Variants in SHC4 observed in about 807,000 individuals in gnomAD.
SHC4 encodes the protein SHC-transforming protein 4.
Under a neutral mutation model 69.4 loss-of-function variants are expected in SHC4, and 41 were observed. The observed-to-expected ratio is 0.59, with a 90% confidence interval of 0.46 to 0.77. The LOEUF (loss-of-function observed/expected upper bound fraction) is 0.77, where lower values mean the gene tolerates loss of function less well. Among genes scored for constraint, SHC4 ranks in the 30% least tolerant of loss-of-function variants. The probability of loss-of-function intolerance (pLI) is 0.00; values close to 1 mark genes in which losing one functional copy is unlikely to be tolerated. For missense variants in SHC4, 777 were observed against 783.8 expected, an observed-to-expected ratio of 0.99 and a Z score of 0.10; for synonymous variants, 318 against 299.3, an observed-to-expected ratio of 1.06 and a Z score of -0.64.
chr15:48,925,148 T>G (rs1455231121), intron 1 of SHC4, among the ~76,000 whole-genome samples, 199 bp from the exon 2 acceptor site: 1 of 152,200 alleles, frequency 6.6e-6, no homozygotes, highest in East Asian at 1.9e-4. Flanking sequence ...AAACACCAGT[T>G]AAATCCAAAC....
At chr15:48,907,132 CA>C (rs886911613) in intron 2 of SHC4, among the ~76,000 whole-genome samples, 34 of 147,666 alleles carry the variant, frequency 2.3e-4, no homozygotes, top group East Asian at 1.6e-3. Context: ...AAAAGGAATG[CA>C]AAAAAAAATT....
intron 11 of SHC4, among the ~76,000 whole-genome samples, chr15:48,834,229 C>T (rs1381764168): frequency 6.6e-6 from 1 of 152,128 alleles, no homozygotes; most frequent in African/African-American, 2.4e-5. Flanking sequence ...ACCTATGGTT[C>T]CTTCTCTATA....
intron 6 of SHC4, among the ~76,000 whole-genome samples, chr15:48,865,735 A>C (rs913989179): frequency 6.6e-6 from 1 of 152,146 alleles, no homozygotes; most frequent in African/African-American, 2.4e-5. Flanking sequence ...TCTGTCCCTC[A>C]CCTCCCATCC....
chr15:48,826,481 G>A (rs933426293), intron 11 of SHC4, among the ~76,000 whole-genome samples: 5 of 151,888 alleles, frequency 3.3e-5, no homozygotes, highest in African/African-American at 7.3e-5. Context: ...ACTCCTGAGC[G>A]CCAATGCCCA....
intron 10 of SHC4, among the ~76,000 whole-genome samples, chr15:48,842,074 C>G (rs556130209): frequency 6.6e-6 from 1 of 152,348 alleles, no homozygotes; most frequent in East Asian, 1.9e-4. Context: ...CCATGCCAAT[C>G]TCTGAACAAA....
chr15:48,893,935 G>C (rs567095758), intron 2 of SHC4, among the ~76,000 whole-genome samples: 2 of 152,346 alleles, frequency 1.3e-5, no homozygotes, highest in South Asian at 2.1e-4. Flanking sequence ...CTGGGTGACA[G>C]AGCGAGGCCC....
chr15:48,896,429 T>G (rs948860920), intron 2 of SHC4, among the ~76,000 whole-genome samples: 1 of 151,914 alleles, frequency 6.6e-6, no homozygotes, highest in Admixed American at 6.6e-5. Context: ...CAAGCGATTC[T>G]CCTGCCTCAG....
intron 4 of SHC4, among the ~76,000 whole-genome samples, chr15:48,875,974 ACACACGTCTTCTCT>A (rs1447393460): frequency 1.3e-5 from 2 of 152,230 alleles, no homozygotes; most frequent in African/African-American, 4.8e-5. Context: ...GATGCAGAGC[ACACACGTCTTCTCT>A]TACACACAGA....
intron 2 of SHC4, among the ~76,000 whole-genome samples, chr15:48,908,556 T>G (rs139436122): frequency 6.6e-6 from 1 of 152,344 alleles, no homozygotes; most frequent in East Asian, 1.9e-4. Context: ...TTAGTTTAAT[T>G]AGGTCCCAGC....
chr15:48,944,886 A>G (rs1230600897), intron 1 of SHC4, among the ~76,000 whole-genome samples: 1 of 152,234 alleles, frequency 6.6e-6, no homozygotes, highest in Non-Finnish European at 1.5e-5. Context: ...TAGAGTCTTT[A>G]TACAATAACA....
intron 1 of SHC4, 58 bp downstream of exon 1, chr15:48,962,373 A>G: frequency 6.7e-7 from 1 of 1,488,606 alleles, no homozygotes; most frequent in Non-Finnish European, 9.0e-7. Context: ...TGCAGAAAGC[A>G]GAGAAGATGC....
At chr15:48,952,738 C>G (rs977806512) in intron 1 of SHC4, among the ~76,000 whole-genome samples, 1 of 152,140 alleles carries the variant, frequency 6.6e-6, no homozygotes, top group Non-Finnish European at 1.5e-5. Context: ...TCACACCAGT[C>G]AGAATGGTTA....
At chr15:48,910,199 T>C (rs1900483168) in intron 2 of SHC4, among the ~76,000 whole-genome samples, 1 of 152,086 alleles carries the variant, frequency 6.6e-6, no homozygotes, top group Admixed American at 6.6e-5. Flanking sequence ...GGTTTTTTTT[T>C]GTTGTTGGTA....
At chr15:48,849,318 G>A (rs912488151) in intron 9 of SHC4, among the ~76,000 whole-genome samples, 3 of 151,900 alleles carry the variant, frequency 2.0e-5, no homozygotes, top group African/African-American at 7.3e-5. Context: ...TCATCCTTCA[G>A]GCCTTGGTTT....
intron 1 of SHC4, among the ~76,000 whole-genome samples, chr15:48,940,529 C>T (rs1326670619): frequency 6.8e-6 from 1 of 146,620 alleles, no homozygotes; most frequent in African/African-American, 2.8e-5. Flanking sequence ...CTCCATCAAA[C>T]TTTCTTCTAC....
chr15:48,835,001 G>A lies in SHC4; in HGVS notation c.1505C>T (p.Pro502Leu), dbSNP rs375209005. The change falls in exon 11 of 12, where the codon CCG becomes CTG. Residue 502 changes from proline to leucine, a missense_variant. By Grantham distance (98) the Pro-to-Leu change is moderately conservative. Transcript: ENST00000332408. ...HCGKAPETVQ[P>L]GATAQPASSH... ...GCTGGCAGGCTGGGCTGTGGCACCC[G>A]GCTGAACAGTTTCTGGTGCCTCTGA... The A allele has an allele frequency of 4.3e-5, 69 of 1,611,696 alleles. No homozygotes were observed. Among genetic ancestry groups the A allele is most frequent in the African/African-American group, 1.2e-4 (9 of 74,884 alleles).
intron 1 of SHC4, among the ~76,000 whole-genome samples, chr15:48,943,643 C>T (rs1005355781): frequency 2.6e-5 from 4 of 152,082 alleles, no homozygotes; most frequent in Non-Finnish European, 5.9e-5. Context: ...GGTCATATGA[C>T]AGTTCTACTT....
chr15:48,951,104 G>C (rs1046814443), intron 1 of SHC4, among the ~76,000 whole-genome samples: 1 of 151,834 alleles, frequency 6.6e-6, no homozygotes, highest in Non-Finnish European at 1.5e-5. Flanking sequence ...TCCATTCCAC[G>C]GGCCTTGATG....
chr15:48,833,395 T>C (rs1898840991), intron 11 of SHC4, among the ~76,000 whole-genome samples: 1 of 152,196 alleles, frequency 6.6e-6, no homozygotes, highest in Non-Finnish European at 1.5e-5. Flanking sequence ...TTGTTGTCCA[T>C]GGTCACAGGC....
Sources: allele counts gnomAD v4.1 joint callset (sites outside exome capture counted in the v4.1 genomes callset), GRCh38; gene constraint gnomAD v4.1.1; transcripts MANE v1.5; gene names NCBI Gene and HGNC (gene_info 2026-07-23, HGNC 2026-07-21).